Variants in MS4A4A observed in about 807,000 individuals in gnomAD.
MS4A4A encodes membrane-spanning 4-domains subfamily A member 4A.
Under a neutral mutation model 28.0 loss-of-function variants are expected in MS4A4A, and 26 were observed. The ratio of observed to expected loss-of-function variants is 0.93; its 90% CI spans 0.68 to 1.29. The LOEUF (loss-of-function observed/expected upper bound fraction) is 1.29, where lower values mean the gene tolerates loss of function less well. Among genes scored for constraint, MS4A4A ranks in the 50% most tolerant of loss-of-function variants. The pLI is 0.00. For synonymous variants in MS4A4A, 86 were observed against 100.8 expected, an observed-to-expected ratio of 0.85 and a Z score of 0.88; for missense variants, 290 against 293.1, an observed-to-expected ratio of 0.99 and a Z score of 0.08.
chr11:60,307,527 T>C (rs2085014566), intron 6 of MS4A4A, among the ~76,000 whole-genome samples: 2 of 152,196 alleles, frequency 1.3e-5, no homozygotes, highest in Admixed American at 1.3e-4. Context: ...CTTCAGCTCT[T>C]AGCATAGGTG....
At chr11:60,287,580 T>C (rs1590751202) in intron 1 of MS4A4A, among the ~76,000 whole-genome samples, 1 of 152,344 alleles carries the variant, frequency 6.6e-6, no homozygotes, top group East Asian at 1.9e-4. Context: ...AAAACTCATG[T>C]TCTTCTCACA....
intron 1 of MS4A4A, among the ~76,000 whole-genome samples, chr11:60,281,702 G>A (rs1468850124): frequency 6.6e-6 from 1 of 152,150 alleles, no homozygotes; most frequent in East Asian, 1.9e-4. Flanking sequence ...ACATAAAAAT[G>A]AGGAAATAAG....
intron 5 of MS4A4A, 139 bp from the exon 6 acceptor site, chr11:60,305,961 A>G (rs2084995738): frequency 6.3e-6 from 4 of 634,954 alleles, no homozygotes; most frequent in Non-Finnish European, 1.1e-5. Flanking sequence ...AGAATTGGTC[A>G]AGGGTATGGC....
intron 6 of MS4A4A, among the ~76,000 whole-genome samples, chr11:60,307,813 A>G (rs1421065891): frequency 6.6e-6 from 1 of 152,198 alleles, no homozygotes; most frequent in Non-Finnish European, 1.5e-5. Context: ...CATATTTTTC[A>G]TAACACCTTG....
In MS4A4A at chr11:60,302,639, GT is replaced by G; in HGVS notation, c.472del (p.Tyr158IlefsTer24). 6.2e-7 allele frequency: 1 copy of G among 1,613,986 alleles called. No homozygotes were observed. Among genetic ancestry groups the G allele is most frequent in the Non-Finnish European group, 8.5e-7 (1 of 1,179,918 alleles). On this transcript the variant is annotated frameshift_variant, in exon 5 of 7. Coordinates refer to ENST00000337908, the MANE Select transcript of MS4A4A (RefSeq NM_148975.3). LOFTEE classifies it high-confidence loss of function. ...TCTTAATCAACACATTTAGCTTGGCGTTTTATTCATTCCATCACCCTTACTG... is the reference window on the plus strand; with the variant it reads ...TCTTAATCAACACATTTAGCTTGGCGTTTATTCATTCCATCACCCTTACTG... ...GILINTFSLA[F>X]YSFHHPYCNY...
chr11:60,293,441 C>G (rs1054915043), intron 2 of MS4A4A, among the ~76,000 whole-genome samples: 1 of 152,180 alleles, frequency 6.6e-6, no homozygotes, highest in Non-Finnish European at 1.5e-5. Flanking sequence ...CCCTTGCCCC[C>G]ACAAATGCAT....
intron 5 of MS4A4A, among the ~76,000 whole-genome samples, chr11:60,305,013 C>T (rs2084985460): frequency 6.6e-6 from 1 of 152,218 alleles, no homozygotes; most frequent in African/African-American, 2.4e-5. Flanking sequence ...ATCCTGAGCT[C>T]TTGGTCTATT....
chr11:60,289,575 GTGTGTGTGTGTGTGTGTGTA>G (rs548231569), intron 1 of MS4A4A, among the ~76,000 whole-genome samples: 2,836 of 70,928 alleles, frequency 0.04, 44 homozygotes, highest in Middle Eastern at 0.068. Flanking sequence ...GTTTTGGGGA[GTGTGTGTGTGTGTGTGTGTA>G]TGTGTGTGTG....
intron 3 of MS4A4A, among the ~76,000 whole-genome samples, chr11:60,300,458 C>T (rs1029499355): frequency 2.0e-5 from 3 of 151,618 alleles, no homozygotes; most frequent in Admixed American, 6.6e-5. Context: ...CTACTAAAAA[C>T]ACAAAAAATT....
At chr11:60,303,364 G>T (rs1361992637) in intron 5 of MS4A4A, among the ~76,000 whole-genome samples, 1 of 152,162 alleles carries the variant, frequency 6.6e-6, no homozygotes, top group African/African-American at 2.4e-5. Context: ...GGGAGGAAAA[G>T]TTATTGCAGC....
chr11:60,289,514 TC>T (rs893919600), intron 1 of MS4A4A, among the ~76,000 whole-genome samples: 16 of 152,062 alleles, frequency 1.1e-4, no homozygotes, highest in Admixed American at 5.9e-4. Flanking sequence ...TTTGCTGTTT[TC>T]AGGTGCTCTT....
At position 60,297,280 on chromosome 11, in the gene MS4A4A, C is replaced by A. The variant is rs1289838306; in HGVS notation, c.285C>A (p.Asn95Lys). 3 of 1,613,334 alleles carry A rather than the reference C, an allele frequency of 1.9e-6. No individual in the cohort carries two copies. Among genetic ancestry groups the A allele is most frequent in the South Asian group, 1.1e-5 (1 of 91,066 alleles). ...MCMASNTYGS[N>K]PISVYIGYTI... ...TGGCATCTAATACTTATGGAAGTAA[C>A]CCTATTTCCGTGTATATCGGGTACA... The change falls in exon 3 of 7, where the codon AAC (asparagine) becomes AAA (lysine). Residue 95 changes from asparagine to lysine, a missense_variant. By Grantham distance (94) the Asn-to-Lys change is moderately conservative (BLOSUM62 0). Transcript: ENST00000337908.
At position 60,280,670 on chromosome 11, in the gene MS4A4A, C is replaced by G. The variant is rs769781623; in HGVS notation, c.-6C>G. 1 of 1,613,436 alleles carries G rather than the reference C, an allele frequency of 6.2e-7. No individual in the cohort carries two copies. The highest frequency in any genetic ancestry group is 1.7e-5 in the Admixed American group (1 of 59,946). On this transcript the variant is annotated 5_prime_UTR_variant, in exon 1 of 7. Transcript: ENST00000337908. ...AGAACTTTGAGGAACTTGCCCAGAG[C>G]CCTGCATGCATCAGACCTACAGCAG...
At chr11:60,282,811 C>A (rs2084766990) in intron 1 of MS4A4A, 1 of 1,100,102 alleles carries the variant, frequency 9.1e-7, no homozygotes, top group Non-Finnish European at 1.2e-6. Context: ...TAACTTTATG[C>A]TAAGGGTGGT....
rs781621575 is a variant in MS4A4A at position 60,300,969 on chromosome 11, T to C, written c.331-32T>C. 5 of 1,547,330 alleles carry C rather than the reference T, an allele frequency of 3.2e-6. No homozygotes were observed. In the East Asian group the frequency reaches 6.8e-5, roughly 21 times the overall value. ...TATGACTCCCAATACTGGCTTAAAG[T>C]TTTTTACCTTCATTTTTTCTCTCAT... is the stretch of plus-strand genomic sequence containing the variant. On this transcript the variant is annotated intron_variant, in intron 3 of 6. Coordinates refer to ENST00000337908, the MANE Select transcript of MS4A4A (RefSeq NM_148975.3).
intron 1 of MS4A4A, among the ~76,000 whole-genome samples, chr11:60,283,871 T>C (rs1590748952): frequency 6.6e-6 from 1 of 152,364 alleles, no homozygotes; most frequent in East Asian, 1.9e-4. Context: ...CTCCATCGCA[T>C]ATAAATGCAA....
intron 1 of MS4A4A, among the ~76,000 whole-genome samples, chr11:60,281,232 T>G (rs7930538): frequency 8.5e-4 from 129 of 152,198 alleles, no homozygotes; most frequent in African/African-American, 3.0e-3. Context: ...AGTTCTCCAG[T>G]GGTCTTTGGC....
intron 3 of MS4A4A, among the ~76,000 whole-genome samples, chr11:60,300,287 G>A (rs1374586472): frequency 6.6e-6 from 1 of 152,076 alleles, no homozygotes; most frequent in Admixed American, 6.6e-5. Context: ...ATCTAATTGG[G>A]AATTTACATT....
At chr11:60,291,670 C>T (rs2194961) in intron 1 of MS4A4A, among the ~76,000 whole-genome samples, 91,401 of 151,300 alleles carry the variant, frequency 0.6, 29,094 homozygotes, top group Admixed American at 0.71. Context: ...TGGTGGCACG[C>T]GCCTGTAGTA....
Sources: gnomAD v4.1 joint callset for allele counts (sites outside exome capture counted in the v4.1 genomes callset) on GRCh38, gnomAD v4.1.1 for gene constraint, MANE v1.5 for transcripts, NCBI Gene and HGNC (gene_info 2026-07-23, HGNC 2026-07-21) for gene names.